RPF2: variants seen among roughly 807,000 people sequenced by gnomAD.
RPF2 encodes the protein brix domain containing 1.
RPF2 carries 21 observed loss-of-function variants against 38.9 expected under a neutral mutation model. The observed-to-expected ratio is 0.54, with a 90% CI of 0.38 to 0.78. RPF2 has a LOEUF of 0.78. Ranked by LOEUF, RPF2 falls within the 30% of genes least tolerant of loss-of-function variation. The pLI is 0.00. For synonymous variants in RPF2, 121 were observed against 126.2 expected, an observed-to-expected ratio of 0.96 and a Z score of 0.28; for missense variants, 314 against 358.1, an observed-to-expected ratio of 0.88 and a Z score of 0.99.
At chr6:110,990,254 T>C (rs1425761437) in intron 3 of RPF2, among the ~76,000 whole-genome samples, 2 of 136,158 alleles carry the variant, frequency 1.5e-5, no homozygotes, top group African/African-American at 5.9e-5. Context: ...TTCCTTTTAA[T>C]ACTCTTTTTC....
chr6:110,992,822 A>AT (rs1209797587), intron 4 of RPF2, among the ~76,000 whole-genome samples: 1 of 152,156 alleles, frequency 6.6e-6, no homozygotes, highest in African/African-American at 2.4e-5. Context: ...CACGCCTGTA[A>AT]TCCCAGCACT....
chr6:111,008,200 G>C, intron 7 of RPF2, 63 bp downstream of exon 7: 1 of 1,481,160 alleles, frequency 6.8e-7, no homozygotes, highest in Non-Finnish European at 8.9e-7. Context: ...GACTCTCACT[G>C]GTGGCACTTT....
rs1772323302 is a variant in RPF2, at chr6:111,026,089, C to A, written c.*507C>A. 1 of 152,394 alleles carries A rather than the reference C, an allele frequency of 6.6e-6. No individual in the cohort carries two copies. The highest frequency in any genetic ancestry group is 2.4e-5 in the African/African-American group (1 of 41,410). The allele number at this position is 152,394 out of a possible 1,614,324, so 9.4% of individuals were successfully genotyped here. On this transcript the variant is annotated 3_prime_UTR_variant, in exon 10 of 10. Transcript: ENST00000441448. ...GCTTTGTGGCTGAAAATATATAGATCTCTGAGAGGGATGTCTGCTATCTGA... is the reference window on the plus strand; with the variant it reads ...GCTTTGTGGCTGAAAATATATAGATATCTGAGAGGGATGTCTGCTATCTGA...
At chr6:111,001,707 G>A (rs765061122) in intron 6 of RPF2, among the ~76,000 whole-genome samples, 1 of 152,176 alleles carries the variant, frequency 6.6e-6, no homozygotes, top group Non-Finnish European at 1.5e-5. Flanking sequence ...GAGATGACCA[G>A]CATAACCCCA....
chr6:110,983,916 C>T (rs1473035732), intron 1 of RPF2, among the ~76,000 whole-genome samples: 1 of 151,964 alleles, frequency 6.6e-6, no homozygotes, highest in Admixed American at 6.6e-5. Flanking sequence ...GTAGTCCCAG[C>T]TACTCGGGAG....
intron 7 of RPF2, among the ~76,000 whole-genome samples, chr6:111,014,732 A>G (rs1173555755): frequency 6.6e-6 from 1 of 152,228 alleles, no homozygotes; most frequent in African/African-American, 2.4e-5. Context: ...TAAAATTAAG[A>G]TATCACACTT....
At chr6:111,006,088 G>A (rs982488338) in intron 6 of RPF2, among the ~76,000 whole-genome samples, 19 of 151,636 alleles carry the variant, frequency 1.3e-4, no homozygotes, top group African/African-American at 4.4e-4. Flanking sequence ...TTATAAGGGT[G>A]AGTCACCGTG....
At chr6:111,012,514 A>C (rs1188889776) in intron 7 of RPF2, among the ~76,000 whole-genome samples, 1 of 152,100 alleles carries the variant, frequency 6.6e-6, no homozygotes, top group Non-Finnish European at 1.5e-5. Flanking sequence ...TTGTTTAAAA[A>C]AATTTGGAGT....
intron 5 of RPF2, among the ~76,000 whole-genome samples, chr6:110,999,276 A>C (rs989809128): frequency 6.6e-6 from 1 of 152,246 alleles, no homozygotes. Context: ...TAAGTTGTAG[A>C]TATTTTTTTC....
chr6:111,024,724 A>G (rs986837365), intron 9 of RPF2, among the ~76,000 whole-genome samples: 60 of 151,176 alleles, frequency 4.0e-4, no homozygotes, highest in African/African-American at 1.4e-3. Flanking sequence ...AAAAAAAGAC[A>G]AGGACATATA....
chr6:111,004,100 AC>A (rs779291812), intron 6 of RPF2, among the ~76,000 whole-genome samples: 1 of 152,046 alleles, frequency 6.6e-6, no homozygotes, highest in Non-Finnish European at 1.5e-5. Context: ...GATGTGAGCC[AC>A]CATGCCCAGC....
intron 8 of RPF2, among the ~76,000 whole-genome samples, chr6:111,016,452 C>T (rs989596622): frequency 2.6e-4 from 40 of 152,190 alleles, no homozygotes; most frequent in Admixed American, 2.2e-3. Context: ...GAAAAATTAG[C>T]CCAGCGTGGT....
At position 111,007,251 on chromosome 6, in the gene RPF2, G is replaced by C. The variant is rs570244137; in HGVS notation, c.394-787G>C. Among the ~76,000 whole-genome samples, 6 of 152,148 alleles carry C rather than the reference G, an allele frequency of 3.9e-5. 1 individual carries two copies. The South Asian group carries it at 1.2e-3, about 32-fold the overall frequency. On this transcript the variant is annotated intron_variant, in intron 6 of 9. Transcript: ENST00000441448. ...TTTTGGTTGCTTGGTTGGTTGTGTT[G>C]TGTTATGTTTTGTTTTGTTTTGTTT...
chr6:111,001,197 C>A (rs1240041819), intron 6 of RPF2, among the ~76,000 whole-genome samples: 1 of 152,126 alleles, frequency 6.6e-6, no homozygotes, highest in Admixed American at 6.6e-5. Context: ...TGTGACCTGA[C>A]AAGTCAATGG....
At chr6:111,006,312 A>G (rs1358464776) in intron 6 of RPF2, among the ~76,000 whole-genome samples, 1 of 151,626 alleles carries the variant, frequency 6.6e-6, no homozygotes, top group Non-Finnish European at 1.5e-5. Context: ...TCGGCTCACT[A>G]CAACCTCTGT....
Position 111,025,391 on chromosome 6 carries a change from C to A in RPF2, c.742-12C>A, listed in dbSNP as rs964037654. On this transcript the variant is annotated splice_polypyrimidine_tract_variant and intron_variant, in intron 9 of 9. Coordinates refer to ENST00000441448, the MANE Select transcript of RPF2 (RefSeq NM_032194.3). ...GAAGGCCATTAAATATATACATATT[C>A]TTTTATCGTAGCCAAAGAAGAAGAA... is the stretch of plus-strand genomic sequence containing the variant. The A allele has an allele frequency of 1.1e-5, 18 of 1,567,974 alleles. No homozygotes were observed. Among genetic ancestry groups the A allele is most frequent in the African/African-American group, 2.7e-5 (2 of 73,304 alleles).
intron 2 of RPF2, among the ~76,000 whole-genome samples, chr6:110,988,434 CTTT>C (rs71021819): frequency 0.24 from 33,887 of 139,986 alleles, 4,285 homozygotes; most frequent in East Asian, 0.63. Context: ...TTGTCTACTA[CTTT>C]TTTTTTTTTT....
chr6:111,021,727 T>C (rs1772238321), intron 8 of RPF2, among the ~76,000 whole-genome samples: 1 of 152,212 alleles, frequency 6.6e-6, no homozygotes, highest in African/African-American at 2.4e-5. Flanking sequence ...CCAGAAAGTA[T>C]GTCTGACTTA....
At chr6:110,992,353 T>A (rs941112467) in intron 4 of RPF2, among the ~76,000 whole-genome samples, 1 of 151,936 alleles carries the variant, frequency 6.6e-6, no homozygotes, top group Admixed American at 6.6e-5. Flanking sequence ...TTAAAGGACA[T>A]AATGAATTTT....
Sources: allele counts gnomAD v4.1 joint callset (sites outside exome capture counted in the v4.1 genomes callset), GRCh38; gene constraint gnomAD v4.1.1; transcripts MANE v1.5; gene names NCBI Gene and HGNC (gene_info 2026-07-23, HGNC 2026-07-21).